The following ANTXR1 variants were observed in gnomAD, a reference collection of about 807,000 sequenced individuals.
The protein encoded by ANTXR1 is ANTXR cell adhesion molecule 1.
ANTXR1 carries 19 observed loss-of-function variants against 78.1 expected under a neutral mutation model. The ratio of observed to expected loss-of-function variants is 0.24; its 90% CI spans 0.17 to 0.36. The LOEUF is 0.36. ANTXR1 is among the 10% of genes least tolerant of loss of function. The pLI is 1.00. For synonymous variants in ANTXR1, 273 were observed against 260.5 expected, an observed-to-expected ratio of 1.05 and a Z score of -0.46; for missense variants, 518 against 718.6, an observed-to-expected ratio of 0.72 and a Z score of 3.19.
chr2:69,093,253 G>A (rs886398356), intron 9 of ANTXR1, among the ~76,000 whole-genome samples: 5 of 152,124 alleles, frequency 3.3e-5, no homozygotes, highest in African/African-American at 1.2e-4. Context: ...TTGCCTATTT[G>A]ACCCTTATTA....
chr2:69,168,665 T>G (rs1044281143), intron 13 of ANTXR1, among the ~76,000 whole-genome samples: 1 of 152,146 alleles, frequency 6.6e-6, no homozygotes, highest in African/African-American at 2.4e-5. Context: ...CCCTCCAGTT[T>G]CCAGACATTT....
intron 16 of ANTXR1, among the ~76,000 whole-genome samples, chr2:69,183,737 C>T (rs1674343976): frequency 6.6e-6 from 1 of 152,052 alleles, no homozygotes; most frequent in Non-Finnish European, 1.5e-5. Context: ...TTCTATTCTT[C>T]TTGGTCCAAA....
chr2:69,071,522 G>A (rs913593572), intron 4 of ANTXR1, among the ~76,000 whole-genome samples: 1 of 152,188 alleles, frequency 6.6e-6, no homozygotes, highest in Non-Finnish European at 1.5e-5. Context: ...CATATTTGTA[G>A]TCTGTCCTTG....
intron 12 of ANTXR1, chr2:69,145,958 G>C: frequency 8.1e-6 from 8 of 985,520 alleles, no homozygotes; most frequent in Non-Finnish European, 9.6e-6. Context: ...TTTGAGAACA[G>C]TGCCTTCTCG....
chr2:69,170,791 G>A lies in ANTXR1; in HGVS notation c.1089+502G>A, dbSNP rs13412491. Among the ~76,000 whole-genome samples, 1,157 of 152,244 alleles carry A rather than the reference G, an allele frequency of 7.6e-3. 13 individuals carry two copies. Among genetic ancestry groups the A allele is most frequent in the African/African-American group, 0.026 (1,090 of 41,544 alleles). On this transcript the variant is annotated intron_variant, in intron 14 of 17. Transcript: ENST00000303714. ...ATGGGCCAGGCAGTAATGAAAATAC[G>A]CTGGAGAGGGATATGTTAATATCCT...
intron 14 of ANTXR1, among the ~76,000 whole-genome samples, chr2:69,170,543 G>A (rs1000466235): frequency 2.0e-5 from 3 of 152,222 alleles, no homozygotes; most frequent in Admixed American, 2.0e-4. Context: ...GAGATAAAAT[G>A]TGAGATGGAA....
At chr2:69,069,952 T>C (rs1670516675) in intron 3 of ANTXR1, among the ~76,000 whole-genome samples, 1 of 152,218 alleles carries the variant, frequency 6.6e-6, no homozygotes, top group Non-Finnish European at 1.5e-5. Context: ...AATATGGAGC[T>C]ATTTAAAAGA....
At chr2:69,222,723 G>T (rs1434377440) in intron 17 of ANTXR1, among the ~76,000 whole-genome samples, 1 of 152,178 alleles carries the variant, frequency 6.6e-6, no homozygotes, top group Non-Finnish European at 1.5e-5. Context: ...CTGCAGAAGG[G>T]ACCCAGCCCC....
intron 13 of ANTXR1, among the ~76,000 whole-genome samples, chr2:69,158,845 A>C (rs1316084549): frequency 6.6e-6 from 1 of 152,240 alleles, no homozygotes; most frequent in Admixed American, 6.5e-5. Context: ...TTCAGCTTAC[A>C]ATGGGTTTAA....
intron 17 of ANTXR1, 40 bp downstream of exon 17, chr2:69,193,455 TCTCTCACATACA>T: frequency 7.9e-7 from 1 of 1,270,612 alleles, no homozygotes; most frequent in Non-Finnish European, 1.1e-6. Context: ...TCTCTCTCTC[TCTCTCACATACA>T]CACACACACA....
intron 16 of ANTXR1, among the ~76,000 whole-genome samples, chr2:69,191,792 A>G (rs1674551656): frequency 6.6e-6 from 1 of 152,244 alleles, no homozygotes; most frequent in African/African-American, 2.4e-5. Flanking sequence ...AGAATCTGCA[A>G]TTGGTGTAAT....
intron 16 of ANTXR1, among the ~76,000 whole-genome samples, chr2:69,188,034 CAAAAAAAAAAAA>C (rs34500820): frequency 8.2e-4 from 74 of 90,784 alleles, no homozygotes; most frequent in East Asian, 4.9e-3. Flanking sequence ...TGCTGCCTGG[CAAAAAAAAAAAA>C]AAAAAAAAAA....
At position 69,190,803 on chromosome 2, in the gene ANTXR1, G is replaced by A. The variant is rs148378539; in HGVS notation, c.1354-2532G>A. On this transcript the variant is annotated intron_variant, in intron 16 of 17. Coordinates refer to ENST00000303714, the MANE Select transcript of ANTXR1 (RefSeq NM_032208.3). ...TTCTCCTGGTATTATACATCTAGGT[G>A]GTTTCTGGTCTTTTGCTATGCATGT... is the stretch of plus-strand genomic sequence containing the variant. 2.0e-5 allele frequency among the ~76,000 whole-genome samples: 3 copies of A among 152,050 alleles called. No homozygotes were observed. In the East Asian group the frequency reaches 5.8e-4, roughly 29 times the overall value.
intron 3 of ANTXR1, among the ~76,000 whole-genome samples, chr2:69,066,576 G>A (rs769398714): frequency 6.6e-6 from 1 of 152,142 alleles, no homozygotes; most frequent in African/African-American, 2.4e-5. Context: ...GAAGAGTAGA[G>A]CAATTCCTAG....
chr2:69,073,871 A>G (rs1006239668), intron 6 of ANTXR1, among the ~76,000 whole-genome samples: 2 of 152,370 alleles, frequency 1.3e-5, no homozygotes, highest in Middle Eastern at 3.4e-3. Context: ...ATTCAGGCCC[A>G]AGGTAGAAAG....
intron 17 of ANTXR1, among the ~76,000 whole-genome samples, chr2:69,195,590 G>A (rs1674650348): frequency 6.6e-6 from 1 of 152,188 alleles, no homozygotes; most frequent in African/African-American, 2.4e-5. Context: ...GTCTGTGACA[G>A]TCAACAAGAC....
At chr2:69,056,676 T>A (rs116331121) in intron 3 of ANTXR1, among the ~76,000 whole-genome samples, 1,655 of 152,258 alleles carry the variant, frequency 0.011, 29 homozygotes, top group African/African-American at 0.036. Context: ...AAACTTTTTT[T>A]AAAATTTTAT....
chr2:69,221,729 A>G (rs182570984), intron 17 of ANTXR1, among the ~76,000 whole-genome samples: 3 of 152,278 alleles, frequency 2.0e-5, no homozygotes, highest in South Asian at 2.1e-4. Flanking sequence ...AAAATAGGAG[A>G]TCCATTGAAA....
chr2:69,195,812 A>AT (rs1248193708), intron 17 of ANTXR1, among the ~76,000 whole-genome samples: 3 of 152,138 alleles, frequency 2.0e-5, no homozygotes, highest in East Asian at 1.9e-4. Context: ...CAGTAGTACT[A>AT]TTTTTTTGTG....
Sources: gnomAD v4.1 joint callset for allele counts (sites outside exome capture counted in the v4.1 genomes callset) on GRCh38, gnomAD v4.1.1 for gene constraint, MANE v1.5 for transcripts, NCBI Gene and HGNC (gene_info 2026-07-23, HGNC 2026-07-21) for gene names.